PPP2R2C: variants seen among roughly 807,000 people sequenced by gnomAD.
PPP2R2C encodes protein phosphatase 2, regulatory subunit B, gamma.
Under a neutral mutation model 45.3 loss-of-function variants are expected in PPP2R2C, and 10 were observed. The ratio of observed to expected loss-of-function variants is 0.22; its 90% confidence interval spans 0.14 to 0.37. The LOEUF (loss-of-function observed/expected upper bound fraction) is 0.37, where lower values mean the gene tolerates loss of function less well. PPP2R2C is among the 10% of genes least tolerant of loss of function. The pLI is 1.00. For synonymous variants in PPP2R2C, 257 were observed against 245.4 expected (o/e 1.05, Z -0.44); for missense variants, 308 against 619.7 (o/e 0.50, Z 5.34).
chr4:6,513,713 G>GC (rs1477043355), intron 2 of PPP2R2C, among the ~76,000 whole-genome samples: 2 of 152,172 alleles, frequency 1.3e-5, no homozygotes, highest in Non-Finnish European at 2.9e-5. Context: ...CTTCAGCTGT[G>GC]CTCCCCCATC....
intron 5 of PPP2R2C, among the ~76,000 whole-genome samples, chr4:6,354,877 G>A (rs897078323): frequency 1.1e-4 from 17 of 152,062 alleles, no homozygotes; most frequent in South Asian, 2.1e-4. Context: ...TTGTGCGCAC[G>A]GAGGAGGTGT....
intron 2 of PPP2R2C, among the ~76,000 whole-genome samples, chr4:6,529,256 G>A (rs1484062751): frequency 6.6e-6 from 1 of 152,228 alleles, no homozygotes; most frequent in African/African-American, 2.4e-5. Context: ...TCCCACTTCA[G>A]GCTCTGGGCA....
chr4:6,338,486 G>C (rs1188859733), intron 6 of PPP2R2C, among the ~76,000 whole-genome samples: 1 of 152,170 alleles, frequency 6.6e-6, no homozygotes, highest in Non-Finnish European at 1.5e-5. Context: ...GTGAATCAAA[G>C]GAAACAGGAG....
chr4:6,532,203 G>A (rs531392275), intron 2 of PPP2R2C, among the ~76,000 whole-genome samples: 2 of 152,304 alleles, frequency 1.3e-5, no homozygotes, highest in East Asian at 1.9e-4. Flanking sequence ...TGGCAAGTGC[G>A]ATCTATGGTC....
intron 1 of PPP2R2C, among the ~76,000 whole-genome samples, chr4:6,467,732 C>T (rs1721663825): frequency 6.6e-6 from 1 of 152,104 alleles, no homozygotes; most frequent in African/African-American, 2.4e-5. Flanking sequence ...TGAAAGTGCA[C>T]AACGAAAAGG....
chr4:6,548,743 G>C (rs997572996), intron 1 of PPP2R2C, among the ~76,000 whole-genome samples: 8 of 152,200 alleles, frequency 5.3e-5, no homozygotes, highest in African/African-American at 1.9e-4. Context: ...GCAGTCATTG[G>C]CTGAGGGCTG....
At chr4:6,410,478 G>A (rs1338523792) in intron 1 of PPP2R2C, among the ~76,000 whole-genome samples, 1 of 152,196 alleles carries the variant, frequency 6.6e-6, no homozygotes, top group Non-Finnish European at 1.5e-5. Flanking sequence ...AGCTAGTGAG[G>A]TCTGGGATTT....
At chr4:6,389,763 C>G (rs4580720) in intron 1 of PPP2R2C, among the ~76,000 whole-genome samples, 35,391 of 152,100 alleles carry the variant, frequency 0.23, 4,411 homozygotes, top group South Asian at 0.3. Flanking sequence ...CCAAGATGTT[C>G]TTGTGTGCTG....
intron 1 of PPP2R2C, among the ~76,000 whole-genome samples, chr4:6,536,906 T>A (rs1254295853): frequency 6.6e-6 from 1 of 152,132 alleles, no homozygotes. Flanking sequence ...TGTGTGCCAA[T>A]ATGGAAAGAT....
chr4:6,530,443 G>A (rs1724358250), intron 2 of PPP2R2C, among the ~76,000 whole-genome samples: 1 of 152,174 alleles, frequency 6.6e-6, no homozygotes, highest in South Asian at 2.1e-4. Context: ...CTCTGCCCGG[G>A]AGGCGCTGCT....
Position 6,323,535 on chromosome 4 carries a change from G to C in PPP2R2C, c.1111C>G (p.Arg371Gly). Reference sequence around the variant, plus strand: ...CTCGAGGCCTCCAGGGTCACGTCCCGCTTGGTGTTCCGATCGAACATGCGG... The same window carrying C: ...CTCGAGGCCTCCAGGGTCACGTCCCCCTTGGTGTTCCGATCGAACATGCGG... The part of the protein sequence containing the change: ...FFRMFDRNTK[R>G]DVTLEASRES... Residue 371 changes from arginine to glycine, a missense_variant, in exon 9 of 9, where the codon CGG becomes GGG. By Grantham distance (125) the Arg-to-Gly change is moderately radical (BLOSUM62 -2). Transcript: ENST00000382599. The C allele has an allele frequency of 6.3e-7, 1 of 1,593,222 alleles. No homozygotes were observed. Among genetic ancestry groups the C allele is most frequent in the Non-Finnish European group, 8.6e-7 (1 of 1,163,554 alleles).
At chr4:6,555,742 C>G (rs557712421) in intron 1 of PPP2R2C, 1 of 152,232 alleles carries the variant, frequency 6.6e-6, no homozygotes, top group Non-Finnish European at 1.5e-5. Context: ...CTGACAGAAG[C>G]GGGTGGGAAG....
In PPP2R2C at chr4:6,345,917, A is replaced by G. The variant is rs1346122175; in HGVS notation, c.790+1929T>C. Among the ~76,000 whole-genome samples the G allele has an allele frequency of 6.6e-6, 1 of 151,842 alleles. No homozygotes were observed. The highest frequency in any genetic ancestry group is 1.5e-5 in the Non-Finnish European group (1 of 67,958). On this transcript the variant is annotated intron_variant, in intron 6 of 8. Transcript: ENST00000382599. The surrounding 1 kb of genome is among the most constrained non-coding windows in gnomAD (Gnocchi z 5.3). ...TTACTGCCTGGATATCTGGCTGCCT[A>G]CTCGACCCATTTCCTTGGAACCCAA...
chr4:6,441,396 C>T (rs930977865), intron 1 of PPP2R2C, among the ~76,000 whole-genome samples: 9 of 152,170 alleles, frequency 5.9e-5, no homozygotes, highest in South Asian at 2.1e-4. Flanking sequence ...GAGCCACGCT[C>T]CTCAGCCCGC....
intron 1 of PPP2R2C, chr4:6,421,227 A>C: frequency 1.5e-6 from 1 of 687,130 alleles, no homozygotes; most frequent in Non-Finnish European, 1.8e-6. Context: ...CAATGCCACA[A>C]AGGAGTCAGG....
chr4:6,414,740 G>C lies in PPP2R2C; in HGVS notation c.71-33646C>G, dbSNP rs535926365. Among the ~76,000 whole-genome samples the C allele has an allele frequency of 1.1e-4, 17 of 149,554 alleles. No individual in the cohort carries two copies. The East Asian group carries it at 3.3e-3, about 29-fold the overall frequency. ...CCTGGGCTGGATGGAGGGAGGAACA[G>C]GGGGTGGGAGAGCCCAATGGGAATC... On this transcript the variant is annotated intron_variant, in intron 1 of 8. Coordinates refer to ENST00000382599, the MANE Select transcript of PPP2R2C (RefSeq NM_020416.4).
Position 6,325,552 on chromosome 4 carries a change from G to T in PPP2R2C, c.1053-1959C>A, listed in dbSNP as rs10017606. 9.1e-3 allele frequency among the ~76,000 whole-genome samples: 1,383 copies of T among 152,286 alleles called. 17 individuals carry two copies. The highest frequency in any genetic ancestry group is 0.032 in the African/African-American group (1,314 of 41,558). Reference sequence around the variant, plus strand: ...ACCTGGGTGATTTCACACAATGCTGGTTCTTCTGATCCATTTAGTGGAAGG... The same window carrying T: ...ACCTGGGTGATTTCACACAATGCTGTTTCTTCTGATCCATTTAGTGGAAGG... On this transcript the variant is annotated intron_variant, in intron 8 of 8. Transcript: ENST00000382599.
intron 1 of PPP2R2C, among the ~76,000 whole-genome samples, chr4:6,432,977 C>A (rs111800120): frequency 0.016 from 2,389 of 152,266 alleles, 59 homozygotes; most frequent in African/African-American, 0.054. Flanking sequence ...ACTTAATGAA[C>A]AGAAAATATA....
At chr4:6,390,203 C>T (rs541524538) in intron 1 of PPP2R2C, among the ~76,000 whole-genome samples, 1 of 151,004 alleles carries the variant, frequency 6.6e-6, no homozygotes. Context: ...CCCAGAGGGG[C>T]GTGGAGAACA....
Sources: allele counts gnomAD v4.1 joint callset (sites outside exome capture counted in the v4.1 genomes callset), GRCh38; gene constraint gnomAD v4.1.1; non-coding constraint Gnocchi (gnomAD v3.1); transcripts MANE v1.5; gene names NCBI Gene and HGNC (gene_info 2026-07-23, HGNC 2026-07-21).